The following ZNF169 variants were observed in gnomAD, a reference collection of about 807,000 sequenced individuals.
ZNF169 encodes zinc finger protein 169.
Under a neutral mutation model 12.0 loss-of-function variants are expected in ZNF169, and 11 were observed. That is an observed-to-expected ratio of 0.92 (90% CI 0.58 to 1.52). ZNF169 has a LOEUF of 1.52. ZNF169 is among the 40% of genes most tolerant of loss of function. ZNF169 has a pLI of 0.00. For synonymous variants in ZNF169, 302 were observed against 286.5 expected, an observed-to-expected ratio of 1.05 and a Z score of -0.55; for missense variants, 722 against 744.0, an observed-to-expected ratio of 0.97 and a Z score of 0.34.
At chr9:94,267,968 C>T (rs536071797) in intron 1 of ZNF169, among the ~76,000 whole-genome samples, 25 of 147,766 alleles carry the variant, frequency 1.7e-4, no homozygotes, top group African/African-American at 5.9e-4. Context: ...TGGGTTCAAG[C>T]GATTCTCCTG....
At chr9:94,290,559 G>A (rs3118752) in intron 2 of ZNF169, among the ~76,000 whole-genome samples, 131,368 of 152,232 alleles carry the variant, frequency 0.86, 58,228 homozygotes, top group East Asian at 0.99. Flanking sequence ...TCTTAAAAAC[G>A]TCCATCAGAA....
intron 1 of ZNF169, among the ~76,000 whole-genome samples, chr9:94,274,485 T>C (rs1168103374): frequency 2.0e-5 from 3 of 152,222 alleles, no homozygotes; most frequent in Non-Finnish European, 4.4e-5. Flanking sequence ...ATCTTATTGT[T>C]ATTGATTTCT....
intron 1 of ZNF169, among the ~76,000 whole-genome samples, chr9:94,261,958 A>G (rs187685998): frequency 8.4e-4 from 128 of 152,342 alleles, no homozygotes; most frequent in Admixed American, 1.7e-3. Flanking sequence ...AACAGAATTT[A>G]TTTAGTATCA....
chr9:94,268,785 C>CA lies in ZNF169; in HGVS notation c.-56+9457dup, dbSNP rs58102758. Among the ~76,000 whole-genome samples the CA allele has an allele frequency of 3.2e-3, 361 of 113,254 alleles. 2 individuals are homozygous for CA. Among genetic ancestry groups the CA allele is most frequent in the Non-Finnish European group, 3.9e-3 (211 of 53,506 alleles). 74.3% of individuals were successfully genotyped at this position (113,254 alleles called of 152,430 possible). On this transcript the variant is annotated intron_variant, in intron 1 of 4. Coordinates refer to ENST00000395395, the MANE Select transcript of ZNF169 (RefSeq NM_194320.4). ...TGGGTGACAAAGTGAGACTCCATTTCAAAAAAAAAAAAAAAAATTTCCAAA... is the reference window on the plus strand; with the variant it reads ...TGGGTGACAAAGTGAGACTCCATTTCAAAAAAAAAAAAAAAAAATTTCCAAA...
At chr9:94,270,830 A>T (rs12553781) in intron 1 of ZNF169, among the ~76,000 whole-genome samples, 673 of 3,120 alleles carry the variant, frequency 0.22, 95 homozygotes, top group Non-Finnish European at 0.49. Context: ...ATATATATAA[A>T]ATATATATAT....
At position 94,281,747 on chromosome 9, in the gene ZNF169, G is replaced by A. The variant is rs182464409; in HGVS notation, c.33+2902G>A. Reference sequence around the variant, plus strand: ...AGAAAGGCGGGACAACTCAAAGCAGGGGCTCCGAGGCTATAGGTAAATTTA... The same window carrying A: ...AGAAAGGCGGGACAACTCAAAGCAGAGGCTCCGAGGCTATAGGTAAATTTA... On this transcript the variant is annotated intron_variant, in intron 2 of 4. Coordinates refer to ENST00000395395, the MANE Select transcript of ZNF169 (RefSeq NM_194320.4). Among the ~76,000 whole-genome samples the A allele has an allele frequency of 1.2e-4, 19 of 152,244 alleles. No homozygotes were observed. In the East Asian group the frequency reaches 3.7e-3, roughly 29 times the overall value.
chr9:94,291,606 GTAAAGTT>G (rs1830839828), intron 2 of ZNF169, among the ~76,000 whole-genome samples: 1 of 152,142 alleles, frequency 6.6e-6, no homozygotes, highest in Admixed American at 6.5e-5. Context: ...TTAAAGCTAA[GTAAAGTT>G]TAGTCAGCTT....
rs1564095355 is a variant in ZNF169 at position 94,301,062 on chromosome 9, A to C, written c.1504A>C (p.Thr502Pro). ...GRAFGFKSLLTRHQRTHSEEE... is the reference protein window; with the variant it reads ...GRAFGFKSLLPRHQRTHSEEE... ...TGCATTTGGCTTTAAGTCGCTCCTC[A>C]CCCGACACCAGAGGACACACTCAGA... Residue 502 changes from threonine to proline, a missense_variant, in exon 5 of 5, where the codon ACC (threonine) becomes CCC (proline). By Grantham distance (38) the Thr-to-Pro change is conservative (BLOSUM62 -1). Transcript: ENST00000395395. 1 of 1,613,514 alleles carries C rather than the reference A, an allele frequency of 6.2e-7. No individual in the cohort carries two copies. Among genetic ancestry groups the C allele is most frequent in the East Asian group, 2.2e-5 (1 of 44,812 alleles).
intron 2 of ZNF169, 137 bp from the exon 3 acceptor site, chr9:94,292,204 A>T (rs536605673): frequency 7.2e-7 from 1 of 1,397,018 alleles, no homozygotes; most frequent in African/African-American, 1.4e-5. Context: ...ACCAGGTTTC[A>T]GGTTAAAAGC....
intron 4 of ZNF169, chr9:94,299,557 G>A (rs576909913): frequency 1.5e-6 from 2 of 1,340,428 alleles, no homozygotes; most frequent in African/African-American, 3.0e-5. Context: ...CGGCGCCCAA[G>A]AAAGGAAGAT....
chr9:94,280,821 G>T (rs893741393), intron 2 of ZNF169, among the ~76,000 whole-genome samples: 5 of 152,078 alleles, frequency 3.3e-5, no homozygotes, highest in Admixed American at 2.6e-4. Context: ...TTGACGGAAG[G>T]GCGGTTACTC....
chr9:94,291,554 G>T (rs1454191714), intron 2 of ZNF169, among the ~76,000 whole-genome samples: 1 of 152,068 alleles, frequency 6.6e-6, no homozygotes, highest in Non-Finnish European at 1.5e-5. Flanking sequence ...GGACATGATT[G>T]TCTATGTAGA....
At chr9:94,290,048 T>G (rs1272764303) in intron 2 of ZNF169, among the ~76,000 whole-genome samples, 2 of 152,182 alleles carry the variant, frequency 1.3e-5, no homozygotes, top group African/African-American at 4.8e-5. Flanking sequence ...AAGCAAAAAT[T>G]TCTTTAGTTA....
chr9:94,287,360 T>C (rs1489795314), intron 2 of ZNF169, among the ~76,000 whole-genome samples: 1 of 149,170 alleles, frequency 6.7e-6, no homozygotes, highest in Non-Finnish European at 1.5e-5. Context: ...TGCAAAATTG[T>C]TTGTTTGTTT....
Position 94,300,056 on chromosome 9 carries a change from C to T in ZNF169, c.498C>T (p.Ser166=). ...GCAGAATTTCTAGGACATTCTTCAG[C>T]CCACATCAAGGTGACCCAGTAGAAT... ...RPSRISRTFF[S]PHQGDPVEWV... Residue 166 remains serine (S), a synonymous_variant, in exon 5 of 5, where the codon AGC becomes AGT. Transcript: ENST00000395395. 6.2e-7 allele frequency: 1 copy of T among 1,614,074 alleles called. No individual in the cohort carries two copies. The highest frequency in any genetic ancestry group is 8.5e-7 in the Non-Finnish European group (1 of 1,180,018).
At chr9:94,259,409 C>T (rs1587663785) in intron 1 of ZNF169, 64 bp downstream of exon 1, 1 of 152,446 alleles carries the variant, frequency 6.6e-6, no homozygotes, top group East Asian at 1.9e-4. Context: ...CGCGGGCCTT[C>T]CACTGGAAGG....
In ZNF169 at chr9:94,299,502, T is replaced by C. The variant is rs917102654; in HGVS notation, c.257-313T>C. Reference sequence around the variant, plus strand: ...AAACAGCAGGCCGAACAAATGTTTCTCAGGCAAGGTTTAATAGGCTTGAGC... The same window carrying C: ...AAACAGCAGGCCGAACAAATGTTTCCCAGGCAAGGTTTAATAGGCTTGAGC... On this transcript the variant is annotated intron_variant, in intron 4 of 4. Transcript: ENST00000395395. 14 of 1,273,152 alleles carry C rather than the reference T, an allele frequency of 1.1e-5. No homozygotes were observed. The Admixed American group carries it at 4.0e-4, about 37-fold the overall frequency. 78.9% of individuals were successfully genotyped at this position (1,273,152 alleles called of 1,614,324 possible).
intron 1 of ZNF169, among the ~76,000 whole-genome samples, chr9:94,262,472 G>A (rs955587062): frequency 7.9e-5 from 12 of 151,692 alleles, no homozygotes; most frequent in East Asian, 5.8e-4. Context: ...TTTTGTTTTT[G>A]TTTTGAGACA....
chr9:94,282,482 A>G (rs1457887911), intron 2 of ZNF169, among the ~76,000 whole-genome samples: 1 of 152,240 alleles, frequency 6.6e-6, no homozygotes, highest in Admixed American at 6.5e-5. Flanking sequence ...GTTCCAGGTT[A>G]CAGATACGTG....
Sources: gnomAD v4.1 joint callset for allele counts (sites outside exome capture counted in the v4.1 genomes callset) on GRCh38, gnomAD v4.1.1 for gene constraint, MANE v1.5 for transcripts, NCBI Gene and HGNC (gene_info 2026-07-23, HGNC 2026-07-21) for gene names.